Variants in OSBPL11 observed in about 807,000 individuals in gnomAD.
OSBPL11 encodes the protein oxysterol binding protein like 11.
Under a neutral mutation model 84.4 loss-of-function variants are expected in OSBPL11, and 33 were observed. The observed-to-expected ratio is 0.39, with a 90% CI of 0.30 to 0.52. OSBPL11 has a LOEUF of 0.52. Among genes scored for constraint, OSBPL11 ranks in the 20% least tolerant of loss-of-function variants. OSBPL11 has a pLI of 0.72. For synonymous variants in OSBPL11, 276 were observed against 310.2 expected (o/e 0.89, Z 1.16); for missense variants, 736 against 901.1 (o/e 0.82, Z 2.35).
intron 10 of OSBPL11, among the ~76,000 whole-genome samples, chr3:125,542,332 C>CTT (rs201669800): frequency 1.4e-4 from 13 of 95,142 alleles, no homozygotes; most frequent in South Asian, 1.1e-3. Context: ...TTTTTCTTTT[C>CTT]TTTCTTTTTT....
intron 10 of OSBPL11, among the ~76,000 whole-genome samples, 190 bp from the exon 11 acceptor site, chr3:125,538,823 A>G (rs1268127174): frequency 1.3e-5 from 2 of 152,214 alleles, no homozygotes; most frequent in Admixed American, 6.5e-5. Flanking sequence ...TGTTCAAATA[A>G]TATCAATTTT....
At chr3:125,572,977 A>G (rs942566792) in intron 5 of OSBPL11, among the ~76,000 whole-genome samples, 11 of 147,964 alleles carry the variant, frequency 7.4e-5, no homozygotes, top group African/African-American at 2.5e-4. Flanking sequence ...ATAGTAAGAT[A>G]TATATCTATA....
At position 125,529,932 on chromosome 3, in the gene OSBPL11, C is replaced by A. The variant is rs1580025764; in HGVS notation, c.*583G>T. 1.3e-5 allele frequency: 2 copies of A among 152,930 alleles called. No homozygotes were observed. Among genetic ancestry groups the A allele is most frequent in the Admixed American group, 1.3e-4 (2 of 15,370 alleles). 9.5% of individuals were successfully genotyped at this position (152,930 alleles called of 1,614,324 possible). A position where few individuals can be genotyped will look rare whatever the true frequency, so the allele number is the denominator to read the frequency against. On this transcript the variant is annotated 3_prime_UTR_variant, in exon 13 of 13. Coordinates refer to ENST00000296220, the MANE Select transcript of OSBPL11 (RefSeq NM_022776.5). ...ACAGAGGTGGATAATAGGTAAGTTC[C>A]TCAGACACAGGCATACAGTCTTTTT...
Position 125,594,650 on chromosome 3 carries a change from C to CT in OSBPL11, c.150dup (p.Gly51ArgfsTer6). On this transcript the variant is annotated frameshift_variant, in exon 1 of 13. Coordinates refer to ENST00000296220, the MANE Select transcript of OSBPL11 (RefSeq NM_022776.5). LOFTEE classifies it high-confidence loss of function. The stretch of plus-strand genomic sequence containing the variant: ...AAAGGAGCATACCTGTACTGCCAGC[C>CT]TTTTGCACTGCCACCGCGGCTGCTG... The CT allele has an allele frequency of 6.2e-7, 1 of 1,613,616 alleles. No homozygotes were observed. The highest frequency in any genetic ancestry group is 8.5e-7 in the Non-Finnish European group (1 of 1,179,990).
rs1553731142 is a variant in OSBPL11, at chr3:125,529,459, A to AAAT, written c.*1055_*1056insATT. On this transcript the variant is annotated 3_prime_UTR_variant, in exon 13 of 13. Transcript: ENST00000296220. Reference sequence around the variant, plus strand: ...CATTTAAATTTCCTCAAAAAAAAAAAAAATAAATAAAACCATACCTTACAT... The same window carrying AAAT: ...CATTTAAATTTCCTCAAAAAAAAAAAAATAAATAAATAAAACCATACCTTACAT... 0.067 allele frequency: 10,160 copies of AAAT among 151,530 alleles called. 451 individuals are homozygous for AAAT. The highest frequency in any genetic ancestry group is 0.097 in the Non-Finnish European group (6,598 of 67,908). 9.4% of individuals were successfully genotyped at this position (151,530 alleles called of 1,614,324 possible).
chr3:125,542,367 T>C (rs11920232), intron 10 of OSBPL11, among the ~76,000 whole-genome samples: 10,067 of 151,862 alleles, frequency 0.066, 455 homozygotes, highest in Non-Finnish European at 0.098. Flanking sequence ...TCCGTTCTTG[T>C]GGAGTGCAAT....
intron 10 of OSBPL11, among the ~76,000 whole-genome samples, chr3:125,544,071 T>C: frequency 9.4e-6 from 1 of 105,834 alleles, no homozygotes; most frequent in Non-Finnish European, 2.1e-5. Context: ...TGAACCAAGA[T>C]TTTTTTTTTT....
intron 1 of OSBPL11, among the ~76,000 whole-genome samples, chr3:125,592,572 T>C (rs933589101): frequency 3.3e-5 from 5 of 152,188 alleles, no homozygotes; most frequent in Non-Finnish European, 7.3e-5. Flanking sequence ...TCTGGAATTA[T>C]AGTCAAGAAA....
At position 125,538,472 on chromosome 3, in the gene OSBPL11, T is replaced by A; in HGVS notation, c.2003A>T (p.Lys668Met). 6.2e-7 allele frequency: 1 copy of A among 1,613,904 alleles called. No individual in the cohort carries two copies. The highest frequency in any genetic ancestry group is 8.5e-7 in the Non-Finnish European group (1 of 1,179,852). Residue 668 changes from lysine to methionine, a missense_variant, in exon 11 of 13, where the codon AAG (lysine) becomes ATG (methionine). Physicochemically the swap from Lys to Met is moderately conservative, Grantham distance 95 (BLOSUM62 -1). Coordinates refer to ENST00000296220, the MANE Select transcript of OSBPL11 (RefSeq NM_022776.5). ...VTKKRVRPLE[K>M]QDPFESRRLW... is the part of the protein sequence containing the mutation. ...ATACCTGGATTCAAATGGATCCTGC[T>A]TCTCCAGAGGTCTCACTCTTTTCTT...
rs1193160524 is a variant in OSBPL11, at chr3:125,595,311, G to T, written c.-511C>A. On this transcript the variant is annotated 5_prime_UTR_variant, in exon 1 of 13. Coordinates refer to ENST00000296220, the MANE Select transcript of OSBPL11 (RefSeq NM_022776.5). ...CGAGATACAGCCAGGGCCGGCGCGCGCAGCCGGGGAGGAGGGTCGGGGAAT... is the reference window on the plus strand; with the variant it reads ...CGAGATACAGCCAGGGCCGGCGCGCTCAGCCGGGGAGGAGGGTCGGGGAAT... 6.6e-6 allele frequency among the ~76,000 whole-genome samples: 1 copy of T among 151,774 alleles called. No homozygotes were observed. The highest frequency in any genetic ancestry group is 1.5e-5 in the Non-Finnish European group (1 of 67,914).
intron 9 of OSBPL11, among the ~76,000 whole-genome samples, chr3:125,548,421 TG>T (rs1326580114): frequency 6.6e-6 from 1 of 152,180 alleles, no homozygotes; most frequent in Admixed American, 6.5e-5. Context: ...ATAATAATTT[TG>T]TTTGCCAAAT....
At chr3:125,578,742 G>A (rs1341353271) in intron 4 of OSBPL11, among the ~76,000 whole-genome samples, 2 of 151,770 alleles carry the variant, frequency 1.3e-5, no homozygotes, top group South Asian at 4.2e-4. Context: ...CTGCACTCTA[G>A]CCTGGGCCAC....
At chr3:125,569,244 C>T (rs906583701) in intron 5 of OSBPL11, among the ~76,000 whole-genome samples, 2 of 152,024 alleles carry the variant, frequency 1.3e-5, no homozygotes, top group African/African-American at 4.8e-5. Context: ...TCACTGAGCC[C>T]AGCCCAGGTG....
chr3:125,546,086 A>G (rs2107592083), intron 10 of OSBPL11, among the ~76,000 whole-genome samples: 1 of 151,836 alleles, frequency 6.6e-6, no homozygotes, highest in Non-Finnish European at 1.5e-5. Flanking sequence ...CAGGAGTACA[A>G]AACCAGTCTG....
chr3:125,559,129 T>C (rs753818223), intron 8 of OSBPL11, among the ~76,000 whole-genome samples: 5 of 152,238 alleles, frequency 3.3e-5, no homozygotes, highest in Non-Finnish European at 5.9e-5. Flanking sequence ...CAGAGACCTA[T>C]GTCCACATAG....
At chr3:125,554,734 A>G (rs1935964676) in intron 8 of OSBPL11, among the ~76,000 whole-genome samples, 2 of 152,142 alleles carry the variant, frequency 1.3e-5, no homozygotes, top group South Asian at 4.1e-4. Context: ...ATTTAAAAAC[A>G]TGACAATAAT....
chr3:125,546,000 A>C (rs979516204), intron 10 of OSBPL11, among the ~76,000 whole-genome samples: 4 of 152,092 alleles, frequency 2.6e-5, no homozygotes, highest in African/African-American at 9.7e-5. Flanking sequence ...AGGTGTCAAG[A>C]ATAAGAAAGT....
intron 10 of OSBPL11, among the ~76,000 whole-genome samples, chr3:125,539,713 T>A (rs985859279): frequency 6.6e-6 from 1 of 152,104 alleles, no homozygotes; most frequent in Non-Finnish European, 1.5e-5. Flanking sequence ...CCTCCCAAAG[T>A]GCTGGGATTA....
chr3:125,563,815 C>G lies in OSBPL11; in HGVS notation c.897G>C (p.Lys299Asn). The G allele has an allele frequency of 3.1e-6, 5 of 1,614,118 alleles. No individual in the cohort carries two copies. The highest frequency in any genetic ancestry group is 4.2e-6 in the Non-Finnish European group (5 of 1,180,022). The change falls in exon 7 of 13, where the codon AAG becomes AAC. Residue 299 changes from lysine (K) to asparagine (N), a missense_variant. Transcript: ENST00000296220. ...SGTTIEWLEP[K>N]ISLSNHYKNG... Reference sequence around the variant, plus strand: ...TTTTATAGTGGTTTGATAAAGATATCTTTGGTTCTAACCACTCGATTGTCG... The same window carrying G: ...TTTTATAGTGGTTTGATAAAGATATGTTTGGTTCTAACCACTCGATTGTCG...
Sources: allele counts gnomAD v4.1 joint callset (sites outside exome capture counted in the v4.1 genomes callset), GRCh38; gene constraint gnomAD v4.1.1; transcripts MANE v1.5; gene names NCBI Gene and HGNC (gene_info 2026-07-23, HGNC 2026-07-21).